The following PGCKA1 variants were observed in gnomAD, a reference collection of about 807,000 sequenced individuals.
The protein encoded by PGCKA1 is PDCD10 and GCKIII kinases-associated protein 1.
At chr4:37,470,105 A>T in the PGCKA1 span, among the ~76,000 whole-genome samples, 1 of 152,184 alleles carries the variant, frequency 6.6e-6, no homozygotes, top group East Asian at 1.9e-4. Context: ...GAGTTAGAAC[A>T]TAGCATCTGT....
chr4:37,509,542 C>T, the PGCKA1 span, among the ~76,000 whole-genome samples: 2 of 151,688 alleles, frequency 1.3e-5, no homozygotes, highest in African/African-American at 4.9e-5. Context: ...AGAGATGATC[C>T]TCACTTCCCA....
At chr4:37,453,308 G>A in the PGCKA1 span, among the ~76,000 whole-genome samples, 1 of 152,130 alleles carries the variant, frequency 6.6e-6, no homozygotes, top group Non-Finnish European at 1.5e-5. Flanking sequence ...AGAAAGGGAT[G>A]GAGGGGGAGT....
the PGCKA1 span, among the ~76,000 whole-genome samples, chr4:37,529,032 AT>A: frequency 6.6e-6 from 1 of 152,228 alleles, no homozygotes; most frequent in African/African-American, 2.4e-5. Context: ...CAACTTAACA[AT>A]ATTTGGTTTA....
chr4:37,531,891 C>CAA, the PGCKA1 span, among the ~76,000 whole-genome samples: 201 of 70,684 alleles, frequency 2.8e-3, 1 homozygote, highest in Non-Finnish European at 4.3e-3. Flanking sequence ...GAATCTGTCT[C>CAA]AAAAAAAAAA....
chr4:37,569,190 T>TTTTTA, the PGCKA1 span, among the ~76,000 whole-genome samples: 6,902 of 151,724 alleles, frequency 0.045, 400 homozygotes, highest in African/African-American at 0.14. Flanking sequence ...AATTTCTTTA[T>TTTTTA]TTTTATTTTA....
the PGCKA1 span, among the ~76,000 whole-genome samples, chr4:37,477,851 C>T: frequency 6.6e-6 from 1 of 151,934 alleles, no homozygotes; most frequent in Non-Finnish European, 1.5e-5. Flanking sequence ...TTGGGAAAAA[C>T]CCAGAAAAAA....
the PGCKA1 span, among the ~76,000 whole-genome samples, chr4:37,581,644 C>T: frequency 1.3e-5 from 2 of 152,118 alleles, no homozygotes; most frequent in South Asian, 2.1e-4. This position sits in a 1 kb window ranked among gnomAD's most constrained non-coding sequence, Gnocchi z 4.4. Flanking sequence ...TTTACTCTTC[C>T]CTGTCTTTTC....
At chr4:37,570,146 A>ATTTTTTT in the PGCKA1 span, among the ~76,000 whole-genome samples, 63 of 78,916 alleles carry the variant, frequency 8.0e-4, no homozygotes, top group African/African-American at 2.8e-3. Context: ...CGCCTGGCTA[A>ATTTTTTT]TTTTTTTTTT....
At chr4:37,575,236 T>TTC in the PGCKA1 span, among the ~76,000 whole-genome samples, 1 of 152,024 alleles carries the variant, frequency 6.6e-6, no homozygotes, top group African/African-American at 2.4e-5. Context: ...AGAGTTCTCT[T>TTC]CTCCACATCC....
At chr4:37,549,125 C>A in the PGCKA1 span, among the ~76,000 whole-genome samples, 3 of 152,226 alleles carry the variant, frequency 2.0e-5, no homozygotes, top group African/African-American at 7.2e-5. Context: ...TCTCTCACCA[C>A]AGGGAGGAAA....
the PGCKA1 span, among the ~76,000 whole-genome samples, chr4:37,490,099 G>C: frequency 6.6e-6 from 1 of 151,978 alleles, no homozygotes; most frequent in Non-Finnish European, 1.5e-5. Flanking sequence ...TATATTCTTT[G>C]TATCTATTTT....
chr4:37,519,422 T>C, the PGCKA1 span, among the ~76,000 whole-genome samples: 13 of 152,282 alleles, frequency 8.5e-5, no homozygotes, highest in East Asian at 2.5e-3. Context: ...CCTTTTTATA[T>C]GTACTCTTCA....
the PGCKA1 span, among the ~76,000 whole-genome samples, chr4:37,560,172 C>T: frequency 2.6e-5 from 4 of 152,320 alleles, no homozygotes; most frequent in East Asian, 5.8e-4. Context: ...CCAATGCCAC[C>T]ATCTCTTATG....
At chr4:37,484,148 G>A in the PGCKA1 span, among the ~76,000 whole-genome samples, 1 of 152,130 alleles carries the variant, frequency 6.6e-6, no homozygotes, top group South Asian at 2.1e-4. Flanking sequence ...ATGGTATTGG[G>A]AGTGTATTAG....
the PGCKA1 span, among the ~76,000 whole-genome samples, chr4:37,522,422 C>G: frequency 6.6e-6 from 1 of 152,088 alleles, no homozygotes; most frequent in Non-Finnish European, 1.5e-5. Context: ...CCCAAGGGCT[C>G]TTAAGTCAGC....
chr4:37,526,708 A>T, the PGCKA1 span, among the ~76,000 whole-genome samples: 2 of 151,938 alleles, frequency 1.3e-5, no homozygotes, highest in African/African-American at 4.8e-5. Flanking sequence ...ATGCTGTTGT[A>T]AACATACCTG....
the PGCKA1 span, among the ~76,000 whole-genome samples, chr4:37,508,683 C>CTTTTTTTTTTTTTTTTT: frequency 5.9e-5 from 5 of 84,848 alleles, no homozygotes; most frequent in African/African-American, 1.5e-4. Context: ...TTTGCTGAAT[C>CTTTTTTTTTTTTTTTTT]TTTTTTTTAG....
the PGCKA1 span, among the ~76,000 whole-genome samples, chr4:37,454,248 C>T: frequency 2.6e-5 from 4 of 151,998 alleles, no homozygotes; most frequent in Non-Finnish European, 4.4e-5. Flanking sequence ...CAAAGGGGCT[C>T]TAAAAGGGGC....
chr4:37,459,074 G>T, the PGCKA1 span, among the ~76,000 whole-genome samples: 1 of 152,082 alleles, frequency 6.6e-6, no homozygotes, highest in East Asian at 1.9e-4. Flanking sequence ...ACGGAGCTCT[G>T]CCTCCCTACA....
Sources: allele counts gnomAD v4.1 joint callset (sites outside exome capture counted in the v4.1 genomes callset), GRCh38; gene constraint gnomAD v4.1.1; non-coding constraint Gnocchi (gnomAD v3.1); transcripts MANE v1.5; gene names NCBI Gene and HGNC (gene_info 2026-07-23, HGNC 2026-07-21).